The following ZRANB3 variants were observed in gnomAD, a reference collection of about 807,000 sequenced individuals.
The protein encoded by ZRANB3 is zinc finger RANBP2-type containing 3, also known as DNA annealing helicase and endonuclease ZRANB3.
A neutral mutation model predicts 133.8 loss-of-function variants in ZRANB3; 125 were observed. The observed-to-expected ratio is 0.93, with a 90% CI of 0.81 to 1.08. The LOEUF (loss-of-function observed/expected upper bound fraction) is 1.08, where lower values mean the gene tolerates loss of function less well. Ranked by LOEUF, ZRANB3 falls within the 50% of genes least tolerant of loss-of-function variation. The pLI is 0.00. For missense variants in ZRANB3, 1,229 were observed against 1,275.5 expected, an observed-to-expected ratio of 0.96 and a Z score of 0.56; for synonymous variants, 387 against 432.7, an observed-to-expected ratio of 0.89 and a Z score of 1.31.
At position 135,230,664 on chromosome 2, in the gene ZRANB3, T is replaced by C. The variant is rs1273990294; in HGVS notation, c.1803A>G (p.Arg601=). ...CCTGTACACTTTCCACGAGTGGAGT[T>C]CGGATTTGCTTGGACTGGGATGGTG... ...EETPSQSKQI[R]TPLVESVQEA... The change falls in exon 13 of 21, where the codon CGA becomes CGG. Residue 601 remains arginine, a synonymous_variant. Coordinates refer to ENST00000264159, the MANE Select transcript of ZRANB3 (RefSeq NM_032143.4). 1 of 1,613,730 alleles carries C rather than the reference T, an allele frequency of 6.2e-7. No individual in the cohort carries two copies. The highest frequency in any genetic ancestry group is 8.5e-7 in the Non-Finnish European group (1 of 1,179,820).
chr2:135,432,087 C>T (rs1188085865), intron 2 of ZRANB3, among the ~76,000 whole-genome samples: 1 of 151,922 alleles, frequency 6.6e-6, no homozygotes, highest in Non-Finnish European at 1.5e-5. Context: ...CCTGTCTCTG[C>T]TAAAAATACA....
intron 2 of ZRANB3, among the ~76,000 whole-genome samples, chr2:135,488,027 A>G (rs1359569104): frequency 6.6e-6 from 1 of 152,152 alleles, no homozygotes; most frequent in African/African-American, 2.4e-5. Context: ...TGAGAGATGT[A>G]TGATCTTTCC....
intron 9 of ZRANB3, among the ~76,000 whole-genome samples, chr2:135,272,919 C>T (rs1680602352): frequency 1.3e-5 from 2 of 151,980 alleles, no homozygotes; most frequent in Admixed American, 6.6e-5. Flanking sequence ...CGCGGTGTCT[C>T]ACTTCTGCAA....
intron 17 of ZRANB3, among the ~76,000 whole-genome samples, chr2:135,216,909 T>C (rs1373364504): frequency 6.6e-6 from 1 of 152,178 alleles, no homozygotes; most frequent in Non-Finnish European, 1.5e-5. Context: ...AGGAAATCAA[T>C]GTACAGAGAT....
chr2:135,404,122 G>C (rs1391506597), intron 2 of ZRANB3, among the ~76,000 whole-genome samples: 2 of 152,198 alleles, frequency 1.3e-5, no homozygotes, highest in African/African-American at 4.8e-5. Flanking sequence ...GACGAGGTGA[G>C]AGAAGAAGGC....
intron 2 of ZRANB3, among the ~76,000 whole-genome samples, chr2:135,465,526 A>G (rs754592093): frequency 6.6e-6 from 1 of 152,230 alleles, no homozygotes; most frequent in Non-Finnish European, 1.5e-5. Context: ...TTTATTTTCA[A>G]CTTCACATAT....
chr2:135,510,259 T>C (rs1483488922), intron 1 of ZRANB3, among the ~76,000 whole-genome samples: 1 of 152,150 alleles, frequency 6.6e-6, no homozygotes, highest in Non-Finnish European at 1.5e-5. Context: ...AGTCTGTACA[T>C]GCAAAATAAG....
At chr2:135,330,410 T>C (rs1001626686) in intron 6 of ZRANB3, among the ~76,000 whole-genome samples, 5 of 152,220 alleles carry the variant, frequency 3.3e-5, no homozygotes, top group African/African-American at 1.2e-4. Flanking sequence ...GAAGCTGACT[T>C]GATCGTGGTG....
chr2:135,345,468 CAAA>C, intron 6 of ZRANB3, 79 bp downstream of exon 6: 5 of 820,212 alleles, frequency 6.1e-6, no homozygotes, highest in Non-Finnish European at 8.9e-6. Context: ...GACTCTGTCT[CAAA>C]AAAAAAAAGA....
At chr2:135,450,873 G>C (rs1690238596) in intron 2 of ZRANB3, among the ~76,000 whole-genome samples, 1 of 152,184 alleles carries the variant, frequency 6.6e-6, no homozygotes. Flanking sequence ...GTTCACATGA[G>C]AGAGATATCC....
chr2:135,279,327 G>C (rs1248093554), intron 8 of ZRANB3, among the ~76,000 whole-genome samples: 2 of 152,108 alleles, frequency 1.3e-5, no homozygotes, highest in Non-Finnish European at 2.9e-5. Flanking sequence ...CTAAACCACA[G>C]AAATTCATCA....
chr2:135,284,172 G>A (rs1681234142), intron 8 of ZRANB3, among the ~76,000 whole-genome samples: 1 of 152,140 alleles, frequency 6.6e-6, no homozygotes, highest in Admixed American at 6.5e-5. Flanking sequence ...CTTAATCTCT[G>A]TGCTTTAATT....
chr2:135,288,873 C>CGTGTGTGTGTGTGTGTGT (rs57200280), intron 8 of ZRANB3, among the ~76,000 whole-genome samples: 22 of 141,398 alleles, frequency 1.6e-4, no homozygotes, highest in African/African-American at 4.7e-4. Context: ...CTTCATTTAT[C>CGTGTGTGTGTGTGTGTGT]GTGTGTGTGT....
chr2:135,342,806 C>A (rs1684738823), intron 6 of ZRANB3, among the ~76,000 whole-genome samples: 1 of 148,532 alleles, frequency 6.7e-6, no homozygotes, highest in Non-Finnish European at 1.5e-5. Flanking sequence ...AACATATATA[C>A]ACTTATATAT....
intron 2 of ZRANB3, among the ~76,000 whole-genome samples, chr2:135,491,582 C>T (rs1692379139): frequency 6.6e-6 from 1 of 151,678 alleles, no homozygotes; most frequent in African/African-American, 2.4e-5. Context: ...GGCGCAATCT[C>T]AGCTCACTGC....
At chr2:135,380,009 A>G (rs955667959) in intron 3 of ZRANB3, among the ~76,000 whole-genome samples, 1 of 152,200 alleles carries the variant, frequency 6.6e-6, no homozygotes, top group Admixed American at 6.5e-5. Context: ...AGGGGTTGCA[A>G]TCATAGTCTC....
chr2:135,213,094 G>A (rs1221630414), intron 17 of ZRANB3, among the ~76,000 whole-genome samples: 3 of 152,190 alleles, frequency 2.0e-5, no homozygotes, highest in Non-Finnish European at 4.4e-5. Flanking sequence ...TTCTGGGGGA[G>A]TGCCCAAAGT....
At chr2:135,484,081 A>G (rs1187107886) in intron 2 of ZRANB3, among the ~76,000 whole-genome samples, 5 of 152,076 alleles carry the variant, frequency 3.3e-5, no homozygotes, top group Admixed American at 1.3e-4. Flanking sequence ...AAAAAAATGT[A>G]TATTTTGTTG....
At chr2:135,456,680 T>C (rs1690533356) in intron 2 of ZRANB3, among the ~76,000 whole-genome samples, 1 of 152,314 alleles carries the variant, frequency 6.6e-6, no homozygotes, top group African/African-American at 2.4e-5. Context: ...CCACACTTAC[T>C]GATTCATCTG....
Sources: gnomAD v4.1 joint callset for allele counts (sites outside exome capture counted in the v4.1 genomes callset) on GRCh38, gnomAD v4.1.1 for gene constraint, MANE v1.5 for transcripts, NCBI Gene and HGNC (gene_info 2026-07-23, HGNC 2026-07-21) for gene names.